The following LRCH2 variants were observed in gnomAD, a reference collection of about 807,000 sequenced individuals.
LRCH2 encodes leucine rich repeats and calponin homology domain containing 2, also known as leucine-rich repeat and calponin homology domain-containing protein 2.
In LRCH2, 38 loss-of-function variants were observed where a neutral mutation model predicts 68.9. The ratio of observed to expected loss-of-function variants is 0.55; its 90% confidence interval spans 0.43 to 0.72. The LOEUF (loss-of-function observed/expected upper bound fraction) is 0.72. Ranked by LOEUF, LRCH2 falls within the 30% of genes least tolerant of loss-of-function variation. The probability of loss-of-function intolerance (pLI) is 0.00; values close to 1 mark genes in which losing one functional copy is unlikely to be tolerated. For missense variants in LRCH2, 528 were observed against 572.9 expected, an observed-to-expected ratio of 0.92 and a Z score of 0.80; for synonymous variants, 191 against 208.1, an observed-to-expected ratio of 0.92 and a Z score of 0.71.
chrX:115,190,814 G>T (rs868908263), intron 1 of LRCH2: 2 of 1,155,378 alleles, frequency 1.7e-6, no homozygotes, highest in African/African-American at 3.6e-5. Flanking sequence ...GGCCATGACA[G>T]TTCCAGCTGG....
At chrX:115,182,741 G>A (rs375781766) in intron 3 of LRCH2, among the ~76,000 whole-genome samples, 1 of 105,558 alleles carries the variant, frequency 9.5e-6, no homozygotes, top group African/African-American at 3.5e-5. Context: ...GCTGAGGCAG[G>A]AGAATTGCTT....
At chrX:115,113,367 A>AT (rs1556523277) in intron 20 of LRCH2, 32 bp from the exon 21 acceptor site, 2 of 1,098,918 alleles carry the variant, frequency 1.8e-6, no homozygotes, top group East Asian at 3.1e-5. Flanking sequence ...TTGAACATTC[A>AT]TTTTTTAGAA....
At chrX:115,229,660 G>A (rs980959732) in intron 1 of LRCH2, among the ~76,000 whole-genome samples, 1 of 111,647 alleles carries the variant, frequency 9.0e-6, no homozygotes, top group South Asian at 3.7e-4. Flanking sequence ...CTTCACATTC[G>A]ATTTTTCAGG....
At chrX:115,186,380 T>G (rs782320860) in intron 2 of LRCH2, among the ~76,000 whole-genome samples, 1 of 110,994 alleles carries the variant, frequency 9.0e-6, no homozygotes. Context: ...TTCATTGAGT[T>G]AACACAATCA....
intron 14 of LRCH2, among the ~76,000 whole-genome samples, chrX:115,145,738 T>C (rs1039506475): frequency 3.6e-5 from 4 of 111,565 alleles, no homozygotes; most frequent in African/African-American, 1.3e-4. Context: ...ACTACAATGA[T>C]GTATCATCTT....
intron 1 of LRCH2, chrX:115,192,006 TGGA>T: frequency 1.8e-6 from 2 of 1,132,731 alleles, no homozygotes; most frequent in South Asian, 2.0e-5. Context: ...GCCACCGCTA[TGGA>T]GGAGGAGGCC....
intron 1 of LRCH2, among the ~76,000 whole-genome samples, chrX:115,212,316 G>A (rs926229124): frequency 8.9e-6 from 1 of 112,069 alleles, no homozygotes; most frequent in African/African-American, 3.2e-5. Context: ...TATAGGAAAG[G>A]AACCTGAGCT....
chrX:115,209,289 C>G (rs187666414), intron 1 of LRCH2, among the ~76,000 whole-genome samples: 4 of 112,376 alleles, frequency 3.6e-5, no homozygotes, highest in Non-Finnish European at 7.5e-5. Flanking sequence ...AAAATCTCAT[C>G]TTGAATTCCC....
Position 115,142,848 on chromosome X carries a change from C to T in LRCH2, c.1695+6979G>A, listed in dbSNP as rs183081131. ...GGTGTCATGGCTCACACCTGTAATC[C>T]CAACACTTTGGGAGCGTGAGGTGGG... On this transcript the variant is annotated intron_variant, in intron 14 of 20. Transcript: ENST00000317135. Among the ~76,000 whole-genome samples the T allele has an allele frequency of 3.6e-5, 4 of 111,494 alleles. 1 individual carries two copies. Among genetic ancestry groups the T allele is most frequent in the Non-Finnish European group, 7.5e-5 (4 of 53,041 alleles).
At chrX:115,204,769 T>C (rs1357100379) in intron 1 of LRCH2, among the ~76,000 whole-genome samples, 3 of 111,698 alleles carry the variant, frequency 2.7e-5, no homozygotes, top group Non-Finnish European at 5.6e-5. Context: ...TTCATATCAC[T>C]ATCACATTTT....
chrX:115,178,680 T>G (rs1243664466), intron 5 of LRCH2, among the ~76,000 whole-genome samples: 4 of 111,937 alleles, frequency 3.6e-5, no homozygotes, highest in African/African-American at 1.3e-4. Context: ...CAGTCTTTAT[T>G]TGAATTAGAA....
At chrX:115,203,835 A>T (rs2072946724) in intron 1 of LRCH2, among the ~76,000 whole-genome samples, 2 of 111,185 alleles carry the variant, frequency 1.8e-5, no homozygotes, top group Non-Finnish European at 3.8e-5. Flanking sequence ...CTCGGTACAA[A>T]CTGTCAGTCT....
In LRCH2 at chrX:115,113,072, A is replaced by G; in HGVS notation, c.*144T>C. 4.5e-6 allele frequency: 2 copies of G among 444,745 alleles called. No homozygotes were observed. Among genetic ancestry groups the G allele is most frequent in the Non-Finnish European group, 6.9e-6 (2 of 290,869 alleles). 36.7% of individuals were successfully genotyped at this position (444,745 alleles called of 1,213,427 possible). A position where few individuals can be genotyped will look rare whatever the true frequency, so the allele number is the denominator to read the frequency against. ...TCGGGCAATTCAATGTTTAAGTTTG[A>G]TGTTTCAATGTAATTTTTTTAAAAT... On this transcript the variant is annotated 3_prime_UTR_variant, in exon 21 of 21. Transcript: ENST00000317135.
chrX:115,185,010 T>C (rs1166772787), intron 2 of LRCH2, among the ~76,000 whole-genome samples: 5 of 112,318 alleles, frequency 4.5e-5, no homozygotes, highest in Non-Finnish European at 7.5e-5. Context: ...GCATGCACTA[T>C]GTTTAAGTTT....
chrX:115,126,766 G>A, intron 16 of LRCH2, 77 bp downstream of exon 16: 2 of 748,268 alleles, frequency 2.7e-6, no homozygotes, highest in Non-Finnish European at 3.7e-6. Context: ...ACAGAGAACT[G>A]GCAAGGAAGA....
Position 115,233,932 on chromosome X carries a change from C to G in LRCH2, c.110G>C (p.Gly37Ala). Residue 37 changes from glycine (G) to alanine (A), a missense_variant, in exon 1 of 21, where the codon GGG becomes GCG. Physicochemically the swap from Gly to Ala is moderately conservative, Grantham distance 60. Transcript: ENST00000317135. ...GGTCCCGCCGCCGCCGCCGCCTCCC[C>G]CTCCAGCCCCGCCACCTCCCCCTCC... Reference protein sequence around the residue: ...TAGGGGGGAGGGGGGGGGTLV... With the variant: ...TAGGGGGGAGAGGGGGGGTLV... The G allele has an allele frequency of 8.6e-7, 1 of 1,162,935 alleles. No homozygotes were observed. Among genetic ancestry groups the G allele is most frequent in the South Asian group, 1.9e-5 (1 of 52,365 alleles).
At chrX:115,163,046 C>G (rs1335614313) in intron 11 of LRCH2, among the ~76,000 whole-genome samples, 1 of 111,219 alleles carries the variant, frequency 9.0e-6, no homozygotes, top group Non-Finnish European at 1.9e-5. Context: ...CTTCTCATTG[C>G]CAACAACATG....
At chrX:115,141,761 C>A (rs1421712532) in intron 14 of LRCH2, among the ~76,000 whole-genome samples, 2 of 107,659 alleles carry the variant, frequency 1.9e-5, no homozygotes, top group Non-Finnish European at 3.8e-5. Context: ...GTAGTCCCAG[C>A]TACTCAGGAG....
At chrX:115,208,528 G>A (rs1178016458) in intron 1 of LRCH2, among the ~76,000 whole-genome samples, 1 of 111,198 alleles carries the variant, frequency 9.0e-6, no homozygotes, top group Non-Finnish European at 1.9e-5. Flanking sequence ...AGCTTCAGAG[G>A]TCAAGGAAGC....
Sources: allele counts gnomAD v4.1 joint callset (sites outside exome capture counted in the v4.1 genomes callset), GRCh38; gene constraint gnomAD v4.1.1; transcripts MANE v1.5; gene names NCBI Gene and HGNC (gene_info 2026-07-23, HGNC 2026-07-21).